The following ALDH1L2 variants were observed in gnomAD, a reference collection of about 807,000 sequenced individuals.
ALDH1L2 encodes the protein aldehyde dehydrogenase 1 family member L2, also known as mitochondrial 10-formyltetrahydrofolate dehydrogenase.
In ALDH1L2, 91 loss-of-function variants were observed where a neutral mutation model predicts 111.0. That is an observed-to-expected ratio of 0.82 (90% CI 0.69 to 0.98). The LOEUF (loss-of-function observed/expected upper bound fraction) is 0.98, where lower values mean the gene tolerates loss of function less well. Among genes scored for constraint, ALDH1L2 ranks in the 50% least tolerant of loss-of-function variants. The pLI, the probability that ALDH1L2 is intolerant of heterozygous loss-of-function variation, is 0.00. For synonymous variants in ALDH1L2, 374 were observed against 392.6 expected (o/e 0.95, Z 0.56); for missense variants, 995 against 1,126.8 (o/e 0.88, Z 1.67).
chr12:105,046,603 G>A lies in ALDH1L2; in HGVS notation c.1863+107C>T, dbSNP rs1020418421. 3 of 961,102 alleles carry A rather than the reference G, an allele frequency of 3.1e-6. No individual in the cohort carries two copies. The African/African-American group carries it at 5.0e-5, about 16-fold the overall frequency. 59.5% of individuals were successfully genotyped at this position (961,102 alleles called of 1,614,324 possible). On this transcript the variant is annotated intron_variant, in intron 15 of 22. Transcript: ENST00000258494. ...GTTGTCCATGATATATGAGAAAAAT[G>A]CCATACCATCTCATTTTTGTTTGCT...
chr12:105,053,707 A>C (rs184804433), intron 10 of ALDH1L2, among the ~76,000 whole-genome samples: 34 of 152,292 alleles, frequency 2.2e-4, no homozygotes, highest in Non-Finnish European at 4.4e-4. Flanking sequence ...GTGGGTTATA[A>C]TGAAGGAAAT....
At chr12:105,082,949 T>A (rs1456737483) in intron 1 of ALDH1L2, among the ~76,000 whole-genome samples, 2 of 151,718 alleles carry the variant, frequency 1.3e-5, no homozygotes, top group Non-Finnish European at 2.9e-5. Flanking sequence ...GAAACTGTCT[T>A]CTTCCCAGCC....
At chr12:105,032,528 C>T (rs938259845) in intron 19 of ALDH1L2, among the ~76,000 whole-genome samples, 3 of 152,116 alleles carry the variant, frequency 2.0e-5, no homozygotes, top group Non-Finnish European at 2.9e-5. Context: ...CGTGAGCCAC[C>T]GCGCCCAGCT....
At chr12:105,042,824 A>G (rs975048407) in intron 15 of ALDH1L2, among the ~76,000 whole-genome samples, 3 of 152,180 alleles carry the variant, frequency 2.0e-5, no homozygotes, top group African/African-American at 7.2e-5. Context: ...GTGGCATAAT[A>G]TGGATCTCAC....
chr12:105,041,674 T>C (rs564789759), intron 15 of ALDH1L2, among the ~76,000 whole-genome samples: 53 of 152,332 alleles, frequency 3.5e-4, no homozygotes, highest in Non-Finnish European at 5.7e-4. Context: ...TCCTTTTACG[T>C]GTAGTAGTTG....
Position 105,024,376 on chromosome 12 carries a change from G to C in ALDH1L2, c.*48C>G. On this transcript the variant is annotated 3_prime_UTR_variant, in exon 23 of 23. Coordinates refer to ENST00000258494, the MANE Select transcript of ALDH1L2 (RefSeq NM_001034173.4). ...CACCCAATCTTCTTAAGTGTGTCCA[G>C]AGTTGTAAAGGGCTGTCTGTCAAGG... 1 of 1,602,812 alleles carries C rather than the reference G, an allele frequency of 6.2e-7. No homozygotes were observed. The highest frequency in any genetic ancestry group is 8.5e-7 in the Non-Finnish European group (1 of 1,170,448).
intron 13 of ALDH1L2, 35 bp from the exon 14 acceptor site, chr12:105,047,004 A>T: frequency 6.3e-7 from 1 of 1,586,906 alleles, no homozygotes; most frequent in Non-Finnish European, 8.6e-7. Flanking sequence ...TTATTTTACT[A>T]ATTTAAATAA....
intron 2 of ALDH1L2, among the ~76,000 whole-genome samples, chr12:105,072,047 C>G (rs886551197): frequency 2.6e-5 from 4 of 151,272 alleles, no homozygotes; most frequent in African/African-American, 4.9e-5. Flanking sequence ...TATCGTGCCA[C>G]TACGCTCCAG....
chr12:105,074,128 C>G (rs1877893031), intron 1 of ALDH1L2, 123 bp from the exon 2 acceptor site: 3 of 1,272,484 alleles, frequency 2.4e-6, no homozygotes, highest in South Asian at 2.9e-5. Context: ...ACACCAAAAG[C>G]CCAGACTTCA....
intron 16 of ALDH1L2, among the ~76,000 whole-genome samples, chr12:105,040,125 CAAAAAAAA>C (rs11284250): frequency 3.4e-5 from 2 of 59,080 alleles, no homozygotes; most frequent in South Asian, 6.9e-4. Flanking sequence ...GACTCCGTCT[CAAAAAAAA>C]AAAAAAAAAA....
At chr12:105,063,847 C>A (rs546979626) in intron 6 of ALDH1L2, among the ~76,000 whole-genome samples, 51 of 152,162 alleles carry the variant, frequency 3.4e-4, no homozygotes, top group African/African-American at 1.2e-3. Context: ...ATTATTATTG[C>A]ACTTCTAGGA....
intron 10 of ALDH1L2, among the ~76,000 whole-genome samples, chr12:105,056,004 T>C (rs1876603226): frequency 6.6e-6 from 1 of 152,142 alleles, no homozygotes; most frequent in African/African-American, 2.4e-5. Context: ...AAAGAATAGC[T>C]GAAAATTTCC....
chr12:105,049,910 G>C lies in ALDH1L2; in HGVS notation c.1684C>G (p.Gln562Glu). Residue 562 changes from glutamine (Q) to glutamate (E), a missense_variant and splice_region_variant, in exon 13 of 23, where the codon CAG becomes GAG. By Grantham distance (29) the Gln-to-Glu change is conservative. Transcript: ENST00000258494. ...GAACAAATAATATTTGTGCTTACCT[G>C]AATTTTGTCGCACCAGCCAGCAAAA... is the stretch of plus-strand genomic sequence containing the variant. ...RYFAGWCDKI[Q>E]GSTIPINQAR... is the part of the protein sequence containing the mutation. 1 of 1,609,918 alleles carries C rather than the reference G, an allele frequency of 6.2e-7. No homozygotes were observed. The highest frequency in any genetic ancestry group is 1.1e-5 in the South Asian group (1 of 89,970).
intron 1 of ALDH1L2, 80 bp downstream of exon 1, chr12:105,084,309 C>G: frequency 7.6e-6 from 11 of 1,450,696 alleles, no homozygotes; most frequent in Non-Finnish European, 1.0e-5. Flanking sequence ...TCCCCAGCCC[C>G]ACCGCCCCGG....
rs1313829112 is a variant in ALDH1L2, at chr12:105,034,629, A to AT, written c.2146-232dup. ...CCTTTCCCCCTTTTGGTCCCTGAGC[A>AT]TTTTTTTAAAAAAATGTATGTGTAA... On this transcript the variant is annotated intron_variant, in intron 18 of 22. Transcript: ENST00000258494. Among the ~76,000 whole-genome samples, 6 of 152,240 alleles carry AT rather than the reference A, an allele frequency of 3.9e-5. No homozygotes were observed. In the East Asian group the frequency reaches 5.8e-4, roughly 15 times the overall value.
At position 105,046,781 on chromosome 12, in the gene ALDH1L2, G is replaced by C; in HGVS notation, c.1792C>G (p.Leu598Val). 1.2e-6 allele frequency: 2 copies of C among 1,614,164 alleles called. No homozygotes were observed. Among genetic ancestry groups the C allele is most frequent in the South Asian group, 2.2e-5 (2 of 91,076 alleles). ...GCACTCTTCCATGCCAGCATCATCAGCGGGTAGTTCCAGGGAATAATAATG... is the reference window on the plus strand; with the variant it reads ...GCACTCTTCCATGCCAGCATCATCACCGGGTAGTTCCAGGGAATAATAATG... ...CAIIIPWNYP[L>V]MMLAWKSAAC... The change falls in exon 15 of 23, where the codon CTG becomes GTG. Residue 598 changes from leucine (L) to valine (V), a missense_variant. By Grantham distance (32) the Leu-to-Val change is conservative. Coordinates refer to ENST00000258494, the MANE Select transcript of ALDH1L2 (RefSeq NM_001034173.4).
At chr12:105,026,979 C>T (rs1204333590) in intron 21 of ALDH1L2, among the ~76,000 whole-genome samples, 2 of 152,208 alleles carry the variant, frequency 1.3e-5, no homozygotes, top group East Asian at 3.9e-4. Flanking sequence ...AAGTGATCCT[C>T]CCACCTCAGC....
chr12:105,069,948 T>C (rs1327258499), intron 3 of ALDH1L2, among the ~76,000 whole-genome samples: 1 of 152,232 alleles, frequency 6.6e-6, no homozygotes, highest in Admixed American at 6.5e-5. Flanking sequence ...GATCATTTCA[T>C]CATTTCAAGT....
intron 12 of ALDH1L2, among the ~76,000 whole-genome samples, chr12:105,050,918 A>G (rs1336589436): frequency 6.6e-6 from 1 of 152,124 alleles, no homozygotes; most frequent in African/African-American, 2.4e-5. Context: ...CTACAATTCA[A>G]GATGAGATTT....
Sources: gnomAD v4.1 joint callset for allele counts (sites outside exome capture counted in the v4.1 genomes callset) on GRCh38, gnomAD v4.1.1 for gene constraint, MANE v1.5 for transcripts, NCBI Gene and HGNC (gene_info 2026-07-23, HGNC 2026-07-21) for gene names.